PELI2: variants seen among roughly 807,000 people sequenced by gnomAD.
The protein encoded by PELI2 is pellino E3 ubiquitin protein ligase family member 2, also known as E3 ubiquitin-protein ligase pellino homolog 2.
A neutral mutation model predicts 42.3 loss-of-function variants in PELI2; 23 were observed. The ratio of observed to expected loss-of-function variants is 0.54; its 90% CI spans 0.39 to 0.77. The LOEUF is 0.77. PELI2 is among the 30% of genes least tolerant of loss of function. The pLI is 0.00. For missense variants in PELI2, 463 were observed against 553.2 expected (o/e 0.84, Z 1.64); for synonymous variants, 245 against 212.2 (o/e 1.15, Z -1.34).
chr14:56,260,399 T>A (rs1888671328), intron 2 of PELI2, among the ~76,000 whole-genome samples: 1 of 152,182 alleles, frequency 6.6e-6, no homozygotes, highest in Non-Finnish European at 1.5e-5. Flanking sequence ...ATATTAAGTT[T>A]ACATTTGTAT....
intron 2 of PELI2, among the ~76,000 whole-genome samples, chr14:56,248,076 G>T (rs1751400647): frequency 6.6e-6 from 1 of 152,128 alleles, no homozygotes; most frequent in African/African-American, 2.4e-5. Flanking sequence ...GCTCCATTTG[G>T]CAATTTTTTA....
intron 2 of PELI2, among the ~76,000 whole-genome samples, chr14:56,198,725 GA>G (rs1886228510): frequency 6.6e-6 from 1 of 152,146 alleles, no homozygotes; most frequent in Admixed American, 6.5e-5. Flanking sequence ...ACTTTTTAAT[GA>G]TGGATGATAG....
In PELI2 at chr14:56,297,333, C is replaced by T. The variant is rs776768661; in HGVS notation, c.*167C>T. The T allele has an allele frequency of 1.8e-5, 11 of 597,374 alleles. No individual in the cohort carries two copies. Among genetic ancestry groups the T allele is most frequent in the Non-Finnish European group, 3.3e-5 (11 of 336,068 alleles). 37.0% of individuals were successfully genotyped at this position (597,374 alleles called of 1,614,324 possible). A position where few individuals can be genotyped will look rare whatever the true frequency, so the allele number is the denominator to read the frequency against. On this transcript the variant is annotated 3_prime_UTR_variant, in exon 6 of 6. Transcript: ENST00000267460. Reference sequence around the variant, plus strand: ...AAACATGGCAGGAGTGTAACAGATACCAGTGGTGTGTTGCATGCTCAAAAC... The same window carrying T: ...AAACATGGCAGGAGTGTAACAGATATCAGTGGTGTGTTGCATGCTCAAAAC...
Position 56,178,473 on chromosome 14 carries a change from G to A in PELI2, c.207+9G>A. On this transcript the variant is annotated intron_variant, in intron 2 of 5. Coordinates refer to ENST00000267460, the MANE Select transcript of PELI2 (RefSeq NM_021255.3). Reference sequence around the variant, plus strand: ...CGCCCCAGGCATCCAAGGTAGGTGGGTCTGTCAAGAGTTGGGAGGGTGCTG... The same window carrying A: ...CGCCCCAGGCATCCAAGGTAGGTGGATCTGTCAAGAGTTGGGAGGGTGCTG... 1 of 1,614,098 alleles carries A rather than the reference G, an allele frequency of 6.2e-7. No individual in the cohort carries two copies.
At chr14:56,210,312 C>A (rs185790190) in intron 2 of PELI2, among the ~76,000 whole-genome samples, 2 of 152,176 alleles carry the variant, frequency 1.3e-5, no homozygotes, top group Admixed American at 6.6e-5. Flanking sequence ...ACAAAAGCAA[C>A]TGCCACAAGA....
chr14:56,269,019 T>C (rs558385997), intron 2 of PELI2, among the ~76,000 whole-genome samples: 1 of 152,318 alleles, frequency 6.6e-6, no homozygotes, highest in South Asian at 2.1e-4. Flanking sequence ...TGGTAACTAA[T>C]GTACAGTGTG....
intron 1 of PELI2, among the ~76,000 whole-genome samples, chr14:56,134,934 T>G (rs909256245): frequency 3.3e-5 from 5 of 152,302 alleles, no homozygotes; most frequent in Admixed American, 1.3e-4. Flanking sequence ...CTTTCTCCAT[T>G]TCTAATCTAG....
intron 5 of PELI2, among the ~76,000 whole-genome samples, chr14:56,293,897 A>G (rs1017481169): frequency 4.6e-5 from 7 of 152,228 alleles, no homozygotes; most frequent in African/African-American, 1.2e-4. Context: ...GGCCACCACC[A>G]TACCTCAGCT....
intron 2 of PELI2, among the ~76,000 whole-genome samples, chr14:56,249,146 T>C (rs1888258065): frequency 6.6e-6 from 1 of 152,142 alleles, no homozygotes; most frequent in Non-Finnish European, 1.5e-5. Context: ...CAGGTCTCTT[T>C]TAGTTTCCAA....
intron 2 of PELI2, among the ~76,000 whole-genome samples, chr14:56,215,174 T>G (rs908090045): frequency 2.0e-5 from 3 of 152,326 alleles, no homozygotes; most frequent in Admixed American, 6.5e-5. Flanking sequence ...TCTATCAGCC[T>G]TATTTGAGAC....
intron 1 of PELI2, among the ~76,000 whole-genome samples, chr14:56,137,932 C>G (rs1786148947): frequency 6.6e-6 from 1 of 152,204 alleles, no homozygotes; most frequent in African/African-American, 2.4e-5. Context: ...TGCCTGACAT[C>G]ACTTCTTTAC....
At chr14:56,211,818 T>C (rs897384217) in intron 2 of PELI2, among the ~76,000 whole-genome samples, 1 of 152,180 alleles carries the variant, frequency 6.6e-6, no homozygotes, top group Admixed American at 6.5e-5. Flanking sequence ...TTTTTACTTT[T>C]TGGTATATCT....
At chr14:56,186,184 C>G (rs527555491) in intron 2 of PELI2, among the ~76,000 whole-genome samples, 53 of 152,248 alleles carry the variant, frequency 3.5e-4, no homozygotes, top group African/African-American at 1.2e-3. Context: ...GCTTCTGGAT[C>G]TGAAGAAGAG....
chr14:56,290,511 G>A (rs1285660986), intron 5 of PELI2, 55 bp downstream of exon 5: 28 of 1,335,694 alleles, frequency 2.1e-5, no homozygotes, highest in Middle Eastern at 2.2e-4. Context: ...AGCCTAACTC[G>A]AAGGCTATCA....
Position 56,201,899 on chromosome 14 carries a change from ACTGT to A in PELI2, c.207+23436_207+23439del, listed in dbSNP as rs1886345116. ...CTTACAATAATATTAATAATAACTC[ACTGT>A]GATTACAAAAATCTACTGAATGTTA... On this transcript the variant is annotated intron_variant, in intron 2 of 5. Coordinates refer to ENST00000267460, the MANE Select transcript of PELI2 (RefSeq NM_021255.3). Among the ~76,000 whole-genome samples, 6 of 152,374 alleles carry A rather than the reference ACTGT, an allele frequency of 3.9e-5. 1 individual carries two copies. The South Asian group carries it at 1.2e-3, about 32-fold the overall frequency.
At chr14:56,141,618 A>C (rs1053207744) in intron 1 of PELI2, among the ~76,000 whole-genome samples, 1 of 152,216 alleles carries the variant, frequency 6.6e-6, no homozygotes, top group Non-Finnish European at 1.5e-5. Flanking sequence ...ACTTACAATC[A>C]TGGCAGAAGG....
At chr14:56,262,382 A>G (rs907640495) in intron 2 of PELI2, among the ~76,000 whole-genome samples, 3 of 152,236 alleles carry the variant, frequency 2.0e-5, no homozygotes, top group African/African-American at 4.8e-5. Flanking sequence ...AGTGTATTCA[A>G]TATCAAGCCA....
chr14:56,270,784 T>C (rs1181081894), intron 2 of PELI2, among the ~76,000 whole-genome samples: 1 of 152,236 alleles, frequency 6.6e-6, no homozygotes, highest in Non-Finnish European at 1.5e-5. Context: ...AAGGTAGTAG[T>C]TGAAAGATCA....
At chr14:56,293,747 A>T (rs1889910590) in intron 5 of PELI2, among the ~76,000 whole-genome samples, 1 of 152,226 alleles carries the variant, frequency 6.6e-6, no homozygotes, top group African/African-American at 2.4e-5. Context: ...TTCCCTCCAC[A>T]GGACACCTAC....
Sources: gnomAD v4.1 joint callset for allele counts (sites outside exome capture counted in the v4.1 genomes callset) on GRCh38, gnomAD v4.1.1 for gene constraint, MANE v1.5 for transcripts, NCBI Gene and HGNC (gene_info 2026-07-23, HGNC 2026-07-21) for gene names.